Variants in SACS observed in about 807,000 individuals in gnomAD.
The protein encoded by SACS is sacsin.
Under a neutral mutation model 348.0 loss-of-function variants are expected in SACS, and 197 were observed. That is an observed-to-expected ratio of 0.57 (90% CI 0.50 to 0.64). The LOEUF (loss-of-function observed/expected upper bound fraction) is 0.64. Ranked by LOEUF, SACS falls within the 30% of genes least tolerant of loss-of-function variation. The pLI, the probability that SACS is intolerant of heterozygous loss-of-function variation, is 0.00. For synonymous variants in SACS, 1,985 were observed against 1,910.6 expected (o/e 1.04, Z -1.02); for missense variants, 4,999 against 5,360.8 (o/e 0.93, Z 2.11).
In SACS at chr13:23,332,580, C is replaced by T. The variant is rs200930332; in HGVS notation, c.11296G>A (p.Val3766Ile). The change falls in exon 10 of 10, where the codon GTA becomes ATA. Residue 3766 changes from valine to isoleucine, a missense_variant. Val to Ile is a conservative substitution (Grantham distance 29). Coordinates refer to ENST00000382292, the MANE Select transcript of SACS (RefSeq NM_014363.6). ...CTTAAGACTTTTGCTCTAGTTTTTA[C>T]CATTTCTTCATCCAACGTCGTTATG... is the stretch of plus-strand genomic sequence containing the variant. ...CNITTLDEEM[V>I]KTRAKVLRSI... 1.7e-5 allele frequency: 28 copies of T among 1,613,612 alleles called. No homozygotes were observed. The highest frequency in any genetic ancestry group is 2.3e-5 in the Non-Finnish European group (27 of 1,179,902).
At position 23,330,111 on chromosome 13, in the gene SACS, C is replaced by A. The variant is rs529571658; in HGVS notation, c.*25G>T. 1.3e-6 allele frequency: 2 copies of A among 1,598,546 alleles called. No homozygotes were observed. The highest frequency in any genetic ancestry group is 1.3e-5 in the African/African-American group (1 of 74,580). On this transcript the variant is annotated 3_prime_UTR_variant, in exon 10 of 10. Transcript: ENST00000382292. ...ATTCGTGCTACAACACATTCAAGATCTACCTTTTTTTTCGTTAAATATCTT... is the reference window on the plus strand; with the variant it reads ...ATTCGTGCTACAACACATTCAAGATATACCTTTTTTTTCGTTAAATATCTT...
In SACS at chr13:23,330,610, A is replaced by T. The variant is rs753101659; in HGVS notation, c.13266T>A (p.Pro4422=). 1 of 1,613,836 alleles carries T rather than the reference A, an allele frequency of 6.2e-7. No individual in the cohort carries two copies. Among genetic ancestry groups the T allele is most frequent in the Non-Finnish European group, 8.5e-7 (1 of 1,179,950 alleles). Residue 4422 remains proline (P), a synonymous_variant, in exon 10 of 10, where the codon CCT becomes CCA. Coordinates refer to ENST00000382292, the MANE Select transcript of SACS (RefSeq NM_014363.6). ...TTTGAGAGTAAGTCTGTCCGGCTGAAGGGGGGCATTTTTCTTTGTTCTGTT... is the reference window on the plus strand; with the variant it reads ...TTTGAGAGTAAGTCTGTCCGGCTGATGGGGGGCATTTTTCTTTGTTCTGTT... ...RQQQNKEKCP[P]SAGQTYSQRF...
At chr13:23,345,309 G>C (rs1869526310) in intron 9 of SACS, among the ~76,000 whole-genome samples, 1 of 152,120 alleles carries the variant, frequency 6.6e-6, no homozygotes, top group African/African-American at 2.4e-5. Context: ...AAAAAGAAAT[G>C]AAACAACCAA....
rs1363738975 is a variant in SACS at position 23,334,568 on chromosome 13, A to G, written c.9308T>C (p.Met3103Thr). ...ATTAGTGTCAGGAGAGGAAAATGTCATTAAAAAAGATCTGATATCAGCAGG... is the reference window on the plus strand; with the variant it reads ...ATTAGTGTCAGGAGAGGAAAATGTCGTTAAAAAAGATCTGATATCAGCAGG... ...VTPADIRSFL[M>T]TFSSPDTNCH... Residue 3103 changes from methionine to threonine, a missense_variant, in exon 10 of 10, where the codon ATG becomes ACG. By Grantham distance (81) the Met-to-Thr change is moderately conservative. Around this residue, in one of 6 missense-constraint regions of SACS, gnomAD observed 734 missense variants for 694.0 expected, o/e 1.06. Transcript: ENST00000382292. The G allele has an allele frequency of 1.9e-5, 30 of 1,613,454 alleles. No individual in the cohort carries two copies. The highest frequency in any genetic ancestry group is 2.2e-5 in the Non-Finnish European group (26 of 1,179,768).
At position 23,355,191 on chromosome 13, in the gene SACS, C is replaced by T. The variant is rs1271593930; in HGVS notation, c.1421G>A (p.Arg474His). 1.9e-6 allele frequency: 3 copies of T among 1,614,002 alleles called. No individual in the cohort carries two copies. Among genetic ancestry groups the T allele is most frequent in the Non-Finnish European group, 2.5e-6 (3 of 1,180,032 alleles). ...ISGFFGLTDN[R>H]RSIKWRELDQ... ...CAGCTCTCTCCATTTTATGCTCCTG[C>T]GGTTATCAGTAAGGCCAAAGAACCC... is the stretch of plus-strand genomic sequence containing the variant. The change falls in exon 8 of 10, where the codon CGC (arginine) becomes CAC (histidine). Residue 474 changes from arginine to histidine, a missense_variant. Arg to His is a conservative substitution (Grantham distance 29). This residue lies in a region of SACS where 3,156 missense variants were observed against 3,380.1 expected (regional missense o/e 0.93). Coordinates refer to ENST00000382292, the MANE Select transcript of SACS (RefSeq NM_014363.6).
At chr13:23,398,218 T>A (rs1012827933) in intron 2 of SACS, among the ~76,000 whole-genome samples, 1 of 149,290 alleles carries the variant, frequency 6.7e-6, no homozygotes, top group African/African-American at 2.5e-5. Context: ...TTAAATTAAA[T>A]TTTAAAAATA....
At chr13:23,388,258 G>A (rs578162426) in intron 2 of SACS, among the ~76,000 whole-genome samples, 39 of 151,178 alleles carry the variant, frequency 2.6e-4, no homozygotes, top group African/African-American at 7.3e-4. Context: ...GTCGTGAACC[G>A]GGCAGGCGGA....
chr13:23,335,743 C>A lies in SACS; in HGVS notation c.8133G>T (p.Ser2711=), dbSNP rs143386746. Residue 2711 remains serine, a synonymous_variant, in exon 10 of 10, where the codon TCG becomes TCT. Coordinates refer to ENST00000382292, the MANE Select transcript of SACS (RefSeq NM_014363.6). The surrounding 1 kb of genome is among the most constrained non-coding windows in gnomAD (Gnocchi z 4.7). ...CTGATGCTGGAACAGACGAAATTTC[C>A]GAAACTTTTGCCATTTCTGCATTAC... The part of the protein sequence containing the change: ...PLRNAEMAKV[S]EISSVPASDR... 6.2e-7 allele frequency: 1 copy of A among 1,613,844 alleles called. No homozygotes were observed. Among genetic ancestry groups the A allele is most frequent in the African/African-American group, 1.3e-5 (1 of 74,880 alleles).
In SACS at chr13:23,347,322, T is replaced by C. The variant is rs1207041728; in HGVS notation, c.2186-5632A>G. 2.0e-5 allele frequency among the ~76,000 whole-genome samples: 3 copies of C among 152,298 alleles called. 1 individual carries two copies. Among genetic ancestry groups the C allele is most frequent in the African/African-American group, 7.2e-5 (3 of 41,572 alleles). On this transcript the variant is annotated intron_variant, in intron 9 of 9. Transcript: ENST00000382292. ...TTTTATCATCTATTTCCACTGCTTG[T>C]CCATGGTAACCAACAATAATTACAA...
chr13:23,420,332 G>C (rs9580619), intron 1 of SACS, among the ~76,000 whole-genome samples: 15,885 of 152,048 alleles, frequency 0.1, 996 homozygotes, highest in African/African-American at 0.17. Flanking sequence ...CCTGAGGTGT[G>C]ACTGTGAACC....
chr13:23,396,368 C>T (rs1259824800), intron 2 of SACS, among the ~76,000 whole-genome samples: 1 of 149,980 alleles, frequency 6.7e-6, no homozygotes, highest in Non-Finnish European at 1.5e-5. Flanking sequence ...TATCCTAAAA[C>T]TCCCAGAAAT....
chr13:23,363,621 A>T (rs932639101), intron 6 of SACS, among the ~76,000 whole-genome samples: 11 of 152,214 alleles, frequency 7.2e-5, no homozygotes, highest in Non-Finnish European at 1.6e-4. Flanking sequence ...TGTTTTTTAA[A>T]ACAAGGTGAA....
At position 23,337,364 on chromosome 13, in the gene SACS, G is replaced by T. The variant is rs765626875; in HGVS notation, c.6512C>A (p.Ala2171Asp). The change falls in exon 10 of 10, where the codon GCT (alanine) becomes GAT (aspartate). Residue 2171 changes from alanine to aspartate, a missense_variant. Ala to Asp is a moderately radical substitution (Grantham distance 126). Transcript: ENST00000382292. ...DDMLERAVSVAEINKSDHVAA... is the reference protein window; with the variant it reads ...DDMLERAVSVDEINKSDHVAA... The stretch of plus-strand genomic sequence containing the variant: ...AACATGATCACTTTTATTAATTTCA[G>T]CTACTGACACTGCACGTTCTAGCAT... 1 of 1,613,818 alleles carries T rather than the reference G, an allele frequency of 6.2e-7. No homozygotes were observed. The highest frequency in any genetic ancestry group is 1.1e-5 in the South Asian group (1 of 91,062).
At chr13:23,426,137 C>T (rs1459416192) in intron 1 of SACS, among the ~76,000 whole-genome samples, 1 of 152,096 alleles carries the variant, frequency 6.6e-6, no homozygotes, top group Admixed American at 6.5e-5. Context: ...TACTTATTCC[C>T]CACGACTGAG....
At chr13:23,386,471 G>C (rs1872294351) in intron 2 of SACS, among the ~76,000 whole-genome samples, 1 of 152,214 alleles carries the variant, frequency 6.6e-6, no homozygotes, top group African/African-American at 2.4e-5. Flanking sequence ...CACAGATTTG[G>C]AGAGAGTTAG....
At position 23,337,780 on chromosome 13, in the gene SACS, C is replaced by T. The variant is rs756027210; in HGVS notation, c.6096G>A (p.Ser2032=). The change falls in exon 10 of 10, where the codon TCG becomes TCA. Residue 2032 remains serine (S), a synonymous_variant. Coordinates refer to ENST00000382292, the MANE Select transcript of SACS (RefSeq NM_014363.6). ...KNLCAVELPS[S]VKLGFEEAGC... is the part of the protein sequence containing the mutation. ...CAGCTTCTTCAAATCCTAATTTTACCGAAGAAGGAAGTTCAACAGCACAAA... is the reference window on the plus strand; with the variant it reads ...CAGCTTCTTCAAATCCTAATTTTACTGAAGAAGGAAGTTCAACAGCACAAA... 19 of 1,613,662 alleles carry T rather than the reference C, an allele frequency of 1.2e-5. No individual in the cohort carries two copies. Among genetic ancestry groups the T allele is most frequent in the South Asian group, 6.6e-5 (6 of 91,056 alleles).
intron 2 of SACS, among the ~76,000 whole-genome samples, chr13:23,393,059 G>T (rs1217011158): frequency 6.6e-6 from 1 of 152,138 alleles, no homozygotes; most frequent in Non-Finnish European, 1.5e-5. Context: ...GGGTAGTTGG[G>T]TGCAGGGCAG....
At chr13:23,375,015 A>C in intron 3 of SACS, 104 bp downstream of exon 3, 1 of 1,199,154 alleles carries the variant, frequency 8.3e-7, no homozygotes, top group Non-Finnish European at 1.1e-6. Context: ...TGCCGGAGTC[A>C]TTCGCGCCGC....
At chr13:23,344,858 AAAT>A (rs1869497489) in intron 9 of SACS, among the ~76,000 whole-genome samples, 1 of 152,224 alleles carries the variant, frequency 6.6e-6, no homozygotes, top group Admixed American at 6.5e-5. Flanking sequence ...CATTTGTTCA[AAAT>A]AATAACATCA....
Sources: gnomAD v4.1 joint callset for allele counts (sites outside exome capture counted in the v4.1 genomes callset) on GRCh38, gnomAD v4.1.1 for gene constraint, gnomAD v4.1.1 regional missense constraint, Gnocchi (gnomAD v3.1) non-coding constraint, MANE v1.5 for transcripts, NCBI Gene and HGNC (gene_info 2026-07-23, HGNC 2026-07-21) for gene names.